ELOVL7: variants seen among roughly 807,000 people sequenced by gnomAD.
The protein encoded by ELOVL7 is ELOVL fatty acid elongase 7.
In ELOVL7, 27 loss-of-function variants were observed where a neutral mutation model predicts 35.7. That is an observed-to-expected ratio of 0.76 (90% CI 0.56 to 1.04). ELOVL7 has a LOEUF of 1.04. ELOVL7 is among the 50% of genes least tolerant of loss of function. The probability of loss-of-function intolerance (pLI) is 0.00; values close to 1 mark genes in which losing one functional copy is unlikely to be tolerated. For missense variants in ELOVL7, 327 were observed against 340.8 expected (o/e 0.96, Z 0.32); for synonymous variants, 113 against 114.6 (o/e 0.99, Z 0.09).
chr5:60,842,260 C>T (rs1747217560), intron 1 of ELOVL7, among the ~76,000 whole-genome samples: 1 of 151,842 alleles, frequency 6.6e-6, no homozygotes, highest in Non-Finnish European at 1.5e-5. Context: ...AGATATTTAA[C>T]GAATGGGAGA....
intron 7 of ELOVL7, among the ~76,000 whole-genome samples, chr5:60,763,045 T>C (rs1417312552): frequency 6.6e-6 from 1 of 152,216 alleles, no homozygotes; most frequent in African/African-American, 2.4e-5. Context: ...TACTGTTGAT[T>C]TGACAAATGG....
chr5:60,832,622 C>G (rs1746546980), intron 1 of ELOVL7, among the ~76,000 whole-genome samples: 2 of 152,204 alleles, frequency 1.3e-5, no homozygotes, highest in African/African-American at 4.8e-5. Context: ...CCTCAGCCTC[C>G]CAAAGTGCTG....
intron 6 of ELOVL7, among the ~76,000 whole-genome samples, chr5:60,765,688 G>A (rs1318806255): frequency 6.6e-6 from 1 of 152,076 alleles, no homozygotes; most frequent in Non-Finnish European, 1.5e-5. Flanking sequence ...CAAGTCTCAG[G>A]TGATTCTAAA....
At chr5:60,812,730 C>G (rs1745305731) in intron 1 of ELOVL7, among the ~76,000 whole-genome samples, 1 of 152,190 alleles carries the variant, frequency 6.6e-6, no homozygotes, top group Non-Finnish European at 1.5e-5. Context: ...AAAGGCTTAT[C>G]CTAAGTTTTT....
chr5:60,766,260 C>T (rs1311412327), intron 6 of ELOVL7, among the ~76,000 whole-genome samples: 1 of 152,160 alleles, frequency 6.6e-6, no homozygotes, highest in Non-Finnish European at 1.5e-5. Flanking sequence ...AACTGTCATC[C>T]ATCTATATAA....
At chr5:60,791,374 G>A (rs1743927265) in intron 2 of ELOVL7, among the ~76,000 whole-genome samples, 1 of 152,166 alleles carries the variant, frequency 6.6e-6, no homozygotes, top group African/African-American at 2.4e-5. Context: ...AATGGGGGAG[G>A]AGGAAGAGGA....
intron 1 of ELOVL7, among the ~76,000 whole-genome samples, chr5:60,840,819 AC>A (rs1442599458): frequency 7.2e-5 from 11 of 152,180 alleles, no homozygotes; most frequent in African/African-American, 2.7e-4. Flanking sequence ...GTAAAATGAT[AC>A]AACTGCAAAG....
intron 1 of ELOVL7, chr5:60,843,284 A>G (rs1006946240): frequency 6.6e-6 from 1 of 152,246 alleles, no homozygotes; most frequent in African/African-American, 2.4e-5. Context: ...AGGGAGCTCC[A>G]AAGAGCGCTC....
At chr5:60,830,155 A>G (rs902279800) in intron 1 of ELOVL7, among the ~76,000 whole-genome samples, 1 of 152,074 alleles carries the variant, frequency 6.6e-6, no homozygotes, top group African/African-American at 2.4e-5. Flanking sequence ...GGGGTTGGGG[A>G]CCATGTCTCT....
rs571160332 is a variant in ELOVL7 at position 60,817,650 on chromosome 5, GTA to G, written c.-85-18422_-85-18421del. Among the ~76,000 whole-genome samples the G allele has an allele frequency of 1.6e-4, 22 of 135,386 alleles. No homozygotes were observed. In the South Asian group the frequency reaches 3.2e-3, roughly 20 times the overall value. The allele number at this position is 135,386 out of a possible 152,430, so 88.8% of individuals were successfully genotyped here. ...ATATGTATATTAGTATATATATTAA[GTA>G]TATATATACATATATACACATATAT... On this transcript the variant is annotated intron_variant, in intron 1 of 8. Transcript: ENST00000508821.
chr5:60,764,674 G>A (rs1053404714), intron 6 of ELOVL7, among the ~76,000 whole-genome samples: 2 of 152,120 alleles, frequency 1.3e-5, no homozygotes, highest in Admixed American at 6.6e-5. Flanking sequence ...ATTTTGAAGT[G>A]TATGGGAAAG....
At chr5:60,837,321 GGGAGTGGGGGGT>G (rs1448502371) in intron 1 of ELOVL7, among the ~76,000 whole-genome samples, 23 of 120,758 alleles carry the variant, frequency 1.9e-4, no homozygotes, top group African/African-American at 5.3e-4. Context: ...GGGGTGGGGG[GGGAGTGGGGGGT>G]GGGGGTGGCG....
At chr5:60,800,030 C>CAAAAAAAA (rs58041305) in intron 1 of ELOVL7, among the ~76,000 whole-genome samples, 3 of 86,206 alleles carry the variant, frequency 3.5e-5, no homozygotes, top group Non-Finnish European at 4.5e-5. Context: ...AACTCCATCT[C>CAAAAAAAA]AAAAAAAAAA....
Position 60,754,643 on chromosome 5 carries a change from C to T in ELOVL7, c.827G>A (p.Cys276Tyr), listed in dbSNP as rs1741422748. 1.2e-6 allele frequency: 2 copies of T among 1,613,800 alleles called. No individual in the cohort carries two copies. The highest frequency in any genetic ancestry group is 2.7e-5 in the African/African-American group (2 of 74,910). ...RLPKTVKNGT[C>Y]KNKDN is the part of the protein sequence containing the mutation. ...TGGGCTTCAATTATCTTTGTTTTTG[C>T]AAGTTCCATTTTTCACAGTTTTGGG... is the stretch of plus-strand genomic sequence containing the variant. The change falls in exon 9 of 9, where the codon TGC becomes TAC. Residue 276 changes from cysteine (C) to tyrosine (Y), a missense_variant. By Grantham distance (194) the Cys-to-Tyr change is radical. Coordinates refer to ENST00000508821, the MANE Select transcript of ELOVL7 (RefSeq NM_024930.3).
intron 7 of ELOVL7, among the ~76,000 whole-genome samples, 190 bp from the exon 8 acceptor site, chr5:60,757,835 C>T (rs1741639486): frequency 6.6e-6 from 1 of 151,914 alleles, no homozygotes; most frequent in African/African-American, 2.4e-5. Context: ...AAGATATGAA[C>T]CTGAGAAAGT....
intron 1 of ELOVL7, among the ~76,000 whole-genome samples, chr5:60,828,443 A>AC: frequency 6.6e-6 from 1 of 152,174 alleles, no homozygotes; most frequent in Non-Finnish European, 1.5e-5. Flanking sequence ...CAAAACATAT[A>AC]CCTAACAGCT....
At chr5:60,761,636 T>C (rs1028068520) in intron 7 of ELOVL7, among the ~76,000 whole-genome samples, 69 of 152,154 alleles carry the variant, frequency 4.5e-4, no homozygotes, top group African/African-American at 1.7e-3. Context: ...ATATACCATA[T>C]GAAAAATGCC....
intron 2 of ELOVL7, among the ~76,000 whole-genome samples, chr5:60,793,790 A>T (rs1030169360): frequency 6.6e-6 from 1 of 152,192 alleles, no homozygotes; most frequent in African/African-American, 2.4e-5. Context: ...GAAAAAGAAG[A>T]AAGTACACTA....
At chr5:60,778,149 C>T (rs1480286672) in intron 3 of ELOVL7, among the ~76,000 whole-genome samples, 1 of 152,146 alleles carries the variant, frequency 6.6e-6, no homozygotes, top group Non-Finnish European at 1.5e-5. Flanking sequence ...TTAACAATGG[C>T]AAGCTTTCTA....
Sources: allele counts gnomAD v4.1 joint callset (sites outside exome capture counted in the v4.1 genomes callset), GRCh38; gene constraint gnomAD v4.1.1; transcripts MANE v1.5; gene names NCBI Gene and HGNC (gene_info 2026-07-23, HGNC 2026-07-21).